The following VIRMA variants were observed in gnomAD, a reference collection of about 807,000 sequenced individuals.
VIRMA encodes the protein protein virilizer homolog.
VIRMA carries 65 observed loss-of-function variants against 182.4 expected under a neutral mutation model. The ratio of observed to expected loss-of-function variants is 0.36; its 90% CI spans 0.29 to 0.44. The LOEUF is 0.44. Among genes scored for constraint, VIRMA ranks in the 20% least tolerant of loss-of-function variants. The probability of loss-of-function intolerance (pLI) is 1.00; values close to 1 mark genes in which losing one functional copy is unlikely to be tolerated. For missense variants in VIRMA, 1,752 were observed against 2,158.1 expected, an observed-to-expected ratio of 0.81 and a Z score of 3.73; for synonymous variants, 709 against 743.1, an observed-to-expected ratio of 0.95 and a Z score of 0.75.
chr8:94,545,869 C>A (rs1274543346), intron 1 of VIRMA, among the ~76,000 whole-genome samples: 4 of 151,908 alleles, frequency 2.6e-5, no homozygotes, highest in Non-Finnish European at 5.9e-5. Context: ...TCAGCCTGGG[C>A]AATATAGGAA....
chr8:94,549,342 G>C (rs915386231), intron 1 of VIRMA, among the ~76,000 whole-genome samples: 39 of 152,272 alleles, frequency 2.6e-4, no homozygotes, highest in African/African-American at 9.1e-4. Context: ...TGAAATCAAG[G>C]GCAATGGGCT....
chr8:94,530,329 ACTT>A (rs1815122649), intron 6 of VIRMA, among the ~76,000 whole-genome samples: 4 of 152,008 alleles, frequency 2.6e-5, no homozygotes, highest in Admixed American at 2.0e-4. Flanking sequence ...AACATAGGAA[ACTT>A]CTTCTCTATA....
chr8:94,546,611 C>T (rs910635588), intron 1 of VIRMA, among the ~76,000 whole-genome samples: 1 of 150,904 alleles, frequency 6.6e-6, no homozygotes, highest in Non-Finnish European at 1.5e-5. Context: ...TGGTTGTTTA[C>T]ATGGATAAGT....
intron 5 of VIRMA, among the ~76,000 whole-genome samples, chr8:94,532,092 G>A (rs1346446693): frequency 1.3e-5 from 2 of 151,948 alleles, no homozygotes; most frequent in Non-Finnish European, 2.9e-5. Flanking sequence ...AAGTATTTTG[G>A]GGTTTTGTTT....
At chr8:94,531,751 C>T (rs1815182038) in intron 5 of VIRMA, among the ~76,000 whole-genome samples, 1 of 152,150 alleles carries the variant, frequency 6.6e-6, no homozygotes, top group Non-Finnish European at 1.5e-5. Context: ...AGGGAATGTT[C>T]AGCTTTATTT....
At chr8:94,500,917 T>C (rs1183589355) in intron 16 of VIRMA, among the ~76,000 whole-genome samples, 1 of 151,974 alleles carries the variant, frequency 6.6e-6, no homozygotes, top group Admixed American at 6.6e-5. Context: ...CTGTACACCA[T>C]AAAACATAAA....
intron 1 of VIRMA, among the ~76,000 whole-genome samples, chr8:94,550,210 C>A (rs1815928528): frequency 6.6e-6 from 1 of 152,138 alleles, no homozygotes; most frequent in South Asian, 2.1e-4. Context: ...ATGCTTACTG[C>A]CCATTGGCTA....
Position 94,519,459 on chromosome 8 carries a change from T to C in VIRMA, c.2039A>G (p.His680Arg). ...PVLFRYLHSH[H>R]FLELVTLLLS... ...AAGCAAGGTAACCAACTCCAAGAAG[T>C]GATGACTGTGAAGATATCTGTGGAA... is the stretch of plus-strand genomic sequence containing the variant. Residue 680 changes from histidine to arginine, a missense_variant, in exon 9 of 24, where the codon CAC becomes CGC. Transcript: ENST00000297591. 1 of 1,524,740 alleles carries C rather than the reference T, an allele frequency of 6.6e-7. No individual in the cohort carries two copies. The highest frequency in any genetic ancestry group is 8.8e-7 in the Non-Finnish European group (1 of 1,140,608). The allele number at this position is 1,524,740 out of a possible 1,614,324, so 94.5% of individuals were successfully genotyped here.
At chr8:94,536,855 T>A (rs1815363128) in intron 4 of VIRMA, among the ~76,000 whole-genome samples, 1 of 152,162 alleles carries the variant, frequency 6.6e-6, no homozygotes, top group South Asian at 2.1e-4. Context: ...GGCAGACACC[T>A]CTAGTCCCAG....
chr8:94,489,185 TACTA>T (rs1813538150), intron 23 of VIRMA, among the ~76,000 whole-genome samples: 1 of 152,146 alleles, frequency 6.6e-6, no homozygotes, highest in Admixed American at 6.5e-5. Context: ...CCTAAGACAA[TACTA>T]TAACCAAAAA....
intron 1 of VIRMA, among the ~76,000 whole-genome samples, chr8:94,550,986 C>T (rs1285821258): frequency 6.6e-6 from 1 of 152,166 alleles, no homozygotes; most frequent in African/African-American, 2.4e-5. Context: ...CACCAAAGTG[C>T]CGGGATTACA....
intron 12 of VIRMA, 55 bp from the exon 13 acceptor site, chr8:94,511,784 G>GTT: frequency 9.4e-7 from 1 of 1,063,924 alleles, no homozygotes; most frequent in Non-Finnish European, 1.3e-6. Context: ...GTTAATAACT[G>GTT]ATTAAGAATT....
chr8:94,544,676 A>G (rs533064099), intron 1 of VIRMA, among the ~76,000 whole-genome samples: 4 of 150,924 alleles, frequency 2.7e-5, no homozygotes, highest in African/African-American at 4.8e-5. Context: ...AAAAAAAAAA[A>G]AAAAGAAAAA....
Position 94,491,284 on chromosome 8 carries a change from AG to A in VIRMA, c.5140+293del, listed in dbSNP as rs796771913. On this transcript the variant is annotated intron_variant, in intron 22 of 23. Coordinates refer to ENST00000297591, the MANE Select transcript of VIRMA (RefSeq NM_015496.5). ...AGCTGAGATCACACCACCGCACCCC[AG>A]CCTGGGCGACAGAGCAAGACTCTTG... Among the ~76,000 whole-genome samples, 11 of 150,654 alleles carry A rather than the reference AG, an allele frequency of 7.3e-5. No homozygotes were observed. The South Asian group carries it at 2.4e-3, about 33-fold the overall frequency.
At chr8:94,549,638 T>C (rs1815900445) in intron 1 of VIRMA, among the ~76,000 whole-genome samples, 1 of 152,198 alleles carries the variant, frequency 6.6e-6, no homozygotes, top group African/African-American at 2.4e-5. Flanking sequence ...CCAAAACTTG[T>C]ATAAATCCTC....
rs1814329060 is a variant in VIRMA, at chr8:94,510,546, G to A, written c.3497C>T (p.Ser1166Phe). 2 of 1,614,120 alleles carry A rather than the reference G, an allele frequency of 1.2e-6. No individual in the cohort carries two copies. The highest frequency in any genetic ancestry group is 1.1e-5 in the South Asian group (1 of 91,084). ...KLLQEIVRSFSGTTCQPIQHM... is the reference protein window; with the variant it reads ...KLLQEIVRSFFGTTCQPIQHM... ...TTGAATGGGCTGGCAGGTTGTGCCA[G>A]AGAAAGAGCGAACTATTTCTTGGAG... The change falls in exon 14 of 24, where the codon TCT becomes TTT. Residue 1166 changes from serine to phenylalanine, a missense_variant. Ser to Phe is a radical substitution (Grantham distance 155, BLOSUM62 -2). Coordinates refer to ENST00000297591, the MANE Select transcript of VIRMA (RefSeq NM_015496.5).
intron 10 of VIRMA, among the ~76,000 whole-genome samples, chr8:94,517,319 C>T (rs1050927350): frequency 9.8e-5 from 15 of 152,372 alleles, no homozygotes; most frequent in African/African-American, 3.6e-4. Flanking sequence ...TCTCTTGCCT[C>T]AGCCTCCCGA....
chr8:94,499,077 T>A (rs1324418344), intron 17 of VIRMA: 1 of 156,590 alleles, frequency 6.4e-6, no homozygotes, highest in Non-Finnish European at 1.4e-5. Context: ...TGAGACTCTA[T>A]CTAAAATAAA....
rs748622043 is a variant in VIRMA at position 94,511,464 on chromosome 8, A to T, written c.3111T>A (p.Leu1037=). The T allele has an allele frequency of 6.2e-7, 1 of 1,614,188 alleles. No individual in the cohort carries two copies. The highest frequency in any genetic ancestry group is 8.5e-7 in the Non-Finnish European group (1 of 1,180,022). ...AGCACAGGAGCATATGTAAAGTAAC[A>T]AGCGCTGAAGGAACACGCATGTCCT... The part of the protein sequence containing the change: ...EFKDMRVPSA[L]VTLHMLLCSI... The change falls in exon 13 of 24, where the codon CTT becomes CTA. Residue 1037 remains leucine (L), a synonymous_variant. Transcript: ENST00000297591.
Sources: gnomAD v4.1 joint callset for allele counts (sites outside exome capture counted in the v4.1 genomes callset) on GRCh38, gnomAD v4.1.1 for gene constraint, MANE v1.5 for transcripts, NCBI Gene and HGNC (gene_info 2026-07-23, HGNC 2026-07-21) for gene names.